The following RGS7 variants were observed in gnomAD, a reference collection of about 807,000 sequenced individuals.
RGS7 encodes regulator of G-protein signaling 7.
Under a neutral mutation model 81.1 loss-of-function variants are expected in RGS7, and 27 were observed. The ratio of observed to expected loss-of-function variants is 0.33; its 90% CI spans 0.25 to 0.46. The LOEUF is 0.46. Ranked by LOEUF, RGS7 falls within the 20% of genes least tolerant of loss-of-function variation. The pLI, the probability that RGS7 is intolerant of heterozygous loss-of-function variation, is 1.00. For synonymous variants in RGS7, 208 were observed against 207.7 expected (o/e 1.00, Z -0.01); for missense variants, 396 against 607.4 (o/e 0.65, Z 3.66).
chr1:240,845,667 A>G (rs1284911712), intron 9 of RGS7, among the ~76,000 whole-genome samples: 1 of 152,204 alleles, frequency 6.6e-6, no homozygotes, highest in Non-Finnish European at 1.5e-5. Flanking sequence ...GTAAAGAATA[A>G]GTGGTATGAT....
chr1:241,151,394 G>T (rs904131714), intron 2 of RGS7, among the ~76,000 whole-genome samples: 5 of 151,956 alleles, frequency 3.3e-5, no homozygotes, highest in Non-Finnish European at 7.4e-5. Flanking sequence ...AGCCTGTCCA[G>T]CCATGCAAGA....
chr1:240,786,253 C>A (rs1213810840), intron 18 of RGS7, among the ~76,000 whole-genome samples: 1 of 152,052 alleles, frequency 6.6e-6, no homozygotes, highest in African/African-American at 2.4e-5. Flanking sequence ...TGTCCTTCTA[C>A]CTTTTTATAC....
chr1:240,957,494 A>G (rs1270690093), intron 4 of RGS7, among the ~76,000 whole-genome samples: 1 of 152,182 alleles, frequency 6.6e-6, no homozygotes, highest in Non-Finnish European at 1.5e-5. Context: ...TCCCCTTCAC[A>G]TATACATCTT....
intron 15 of RGS7, among the ~76,000 whole-genome samples, chr1:240,803,902 C>T (rs962876398): frequency 1.3e-5 from 2 of 151,616 alleles, no homozygotes; most frequent in Admixed American, 6.6e-5. Flanking sequence ...GAAATGACTC[C>T]AGTTCTCTGG....
In RGS7 at chr1:241,197,977, C is replaced by T. The variant is rs73130958; in HGVS notation, c.79-99215G>A. Among the ~76,000 whole-genome samples the T allele has an allele frequency of 2.9e-3, 440 of 151,942 alleles. 2 individuals carry two copies. Among genetic ancestry groups the T allele is most frequent in the African/African-American group, 0.01 (416 of 41,530 alleles). ...TCTATCTATCTGTCTACCTACCTACCTACCTACCTAGTTTCAAAGGTTTGG... is the reference window on the plus strand; with the variant it reads ...TCTATCTATCTGTCTACCTACCTACTTACCTACCTAGTTTCAAAGGTTTGG... On this transcript the variant is annotated intron_variant, in intron 2 of 18. Coordinates refer to ENST00000440928, the MANE Select transcript of RGS7 (RefSeq NM_001364886.1).
chr1:241,135,807 G>C (rs150151339), intron 2 of RGS7, among the ~76,000 whole-genome samples: 7 of 151,418 alleles, frequency 4.6e-5, no homozygotes, highest in African/African-American at 1.5e-4. Context: ...TTTTGAGACA[G>C]AGTTGCCCAG....
intron 6 of RGS7, among the ~76,000 whole-genome samples, chr1:240,913,707 T>A (rs1672126176): frequency 6.6e-6 from 1 of 152,142 alleles, no homozygotes; most frequent in Non-Finnish European, 1.5e-5. Flanking sequence ...ACTACTGCAA[T>A]TTGGCTGAAT....
At chr1:241,212,895 T>C (rs1335993768) in intron 2 of RGS7, among the ~76,000 whole-genome samples, 1 of 152,202 alleles carries the variant, frequency 6.6e-6, no homozygotes, top group Non-Finnish European at 1.5e-5. Context: ...TCCGGTTAGA[T>C]GATAACTCTT....
rs76722959 is a variant in RGS7 at position 241,164,350 on chromosome 1, G to C, written c.79-65588C>G. 9.7e-3 allele frequency among the ~76,000 whole-genome samples: 1,462 copies of C among 151,246 alleles called. 14 individuals carry two copies. Among genetic ancestry groups the C allele is most frequent in the Middle Eastern group, 0.021 (6 of 292 alleles). On this transcript the variant is annotated intron_variant, in intron 2 of 18. Coordinates refer to ENST00000440928, the MANE Select transcript of RGS7 (RefSeq NM_001364886.1). This position sits in a 1 kb window ranked among gnomAD's most constrained non-coding sequence, Gnocchi z 4.1. ...CCATTGGTGGTCAACTTAACCTTCA[G>C]CCCCTTTCCCCTCCTTGGAAGTTGA...
At chr1:241,276,218 G>C (rs2078187272) in intron 2 of RGS7, among the ~76,000 whole-genome samples, 1 of 152,196 alleles carries the variant, frequency 6.6e-6, no homozygotes, top group Non-Finnish European at 1.5e-5. Context: ...GATCAGCTCA[G>C]AATGGATCAG....
At chr1:240,943,346 T>C (rs2148403588) in intron 4 of RGS7, among the ~76,000 whole-genome samples, 1 of 152,310 alleles carries the variant, frequency 6.6e-6, no homozygotes, top group African/African-American at 2.4e-5. Context: ...TGTAATCATC[T>C]GTAAGAAGTT....
At chr1:241,347,188 C>T (rs1271742652) in intron 2 of RGS7, among the ~76,000 whole-genome samples, 1 of 152,096 alleles carries the variant, frequency 6.6e-6, no homozygotes, top group African/African-American at 2.4e-5. Context: ...GAAATCATGT[C>T]AACTGGGCTT....
chr1:240,952,779 A>T (rs1441422623), intron 4 of RGS7, among the ~76,000 whole-genome samples: 1 of 151,888 alleles, frequency 6.6e-6, no homozygotes, highest in Non-Finnish European at 1.5e-5. Flanking sequence ...AAAAGACCTG[A>T]CTATACATGT....
intron 3 of RGS7, among the ~76,000 whole-genome samples, chr1:241,016,401 T>C (rs2059232328): frequency 6.6e-6 from 1 of 151,762 alleles, no homozygotes; most frequent in South Asian, 2.1e-4. Flanking sequence ...ACCTGTAGTC[T>C]CAGCTATTTG....
At chr1:241,156,129 TGATGATAGATA>T (rs1283404643) in intron 2 of RGS7, among the ~76,000 whole-genome samples, 47 of 117,744 alleles carry the variant, frequency 4.0e-4, no homozygotes, top group Admixed American at 5.0e-4. Context: ...GAAAGATAAA[TGATGATAGATA>T]GATAGATAGA....
intron 6 of RGS7, among the ~76,000 whole-genome samples, chr1:240,921,234 A>T (rs989800376): frequency 2.6e-5 from 4 of 152,148 alleles, no homozygotes; most frequent in Non-Finnish European, 4.4e-5. Context: ...CAATATACTA[A>T]ATTGAATAAT....
At chr1:240,821,917 A>G (rs751640935) in intron 10 of RGS7, among the ~76,000 whole-genome samples, 31 of 152,150 alleles carry the variant, frequency 2.0e-4, no homozygotes, top group South Asian at 2.1e-4. Context: ...TGCTCTTATC[A>G]TTTCCCTCAG....
At chr1:241,107,135 G>A (rs2065175131) in intron 2 of RGS7, among the ~76,000 whole-genome samples, 1 of 152,048 alleles carries the variant, frequency 6.6e-6, no homozygotes, top group South Asian at 2.1e-4. Flanking sequence ...CCGCCTTTAG[G>A]GCATGCTTAC....
intron 2 of RGS7, among the ~76,000 whole-genome samples, chr1:241,130,973 A>G (rs1157301713): frequency 6.6e-6 from 1 of 151,724 alleles, no homozygotes; most frequent in Non-Finnish European, 1.5e-5. Context: ...TCTACTCTGG[A>G]AGAACTGGCT....
Sources: gnomAD v4.1 joint callset for allele counts (sites outside exome capture counted in the v4.1 genomes callset) on GRCh38, gnomAD v4.1.1 for gene constraint, Gnocchi (gnomAD v3.1) non-coding constraint, MANE v1.5 for transcripts, NCBI Gene and HGNC (gene_info 2026-07-23, HGNC 2026-07-21) for gene names.